STIM1: variants seen among roughly 807,000 people sequenced by gnomAD.
The protein encoded by STIM1 is stromal interaction molecule 1.
STIM1 carries 25 observed loss-of-function variants against 74.7 expected under a neutral mutation model. The observed-to-expected ratio is 0.33, with a 90% CI of 0.24 to 0.47. STIM1 has a LOEUF of 0.47. Among genes scored for constraint, STIM1 ranks in the 20% least tolerant of loss-of-function variants. The pLI is 1.00. For missense variants in STIM1, 728 were observed against 920.8 expected, an observed-to-expected ratio of 0.79 and a Z score of 2.71; for synonymous variants, 328 against 348.8, an observed-to-expected ratio of 0.94 and a Z score of 0.66.
intron 1 of STIM1, among the ~76,000 whole-genome samples, chr11:3,953,499 C>T (rs556611999): frequency 6.6e-6 from 1 of 152,190 alleles, no homozygotes; most frequent in Non-Finnish European, 1.5e-5. Context: ...TGATCCAGAT[C>T]ACCCAACTAT....
intron 6 of STIM1, among the ~76,000 whole-genome samples, chr11:4,072,559 T>G (rs756909583): frequency 2.6e-5 from 4 of 152,176 alleles, no homozygotes; most frequent in Non-Finnish European, 4.4e-5. Flanking sequence ...AATTGTATAC[T>G]TATTTGCTCA....
Position 4,023,908 on chromosome 11 carries a change from A to G in STIM1, c.306A>G (p.Thr102=), listed in dbSNP as rs140167452. ...AAGACCTCAATTACCATGACCCAAC[A>G]GTGAAACACAGCACCTTCCATGGTG... ...LREDLNYHDP[T]VKHSTFHGED... is the part of the protein sequence containing the mutation. Residue 102 remains threonine, a synonymous_variant, in exon 3 of 13, where the codon ACA becomes ACG. Coordinates refer to ENST00000526596, the MANE Select transcript of STIM1 (RefSeq NM_001382567.1). 1.2e-5 allele frequency: 20 copies of G among 1,613,968 alleles called. No homozygotes were observed. Among genetic ancestry groups the G allele is most frequent in the African/African-American group, 2.7e-5 (2 of 74,920 alleles).
At chr11:4,024,033 A>G (rs1485029406) in intron 3 of STIM1, 46 bp downstream of exon 3, 2 of 1,533,866 alleles carry the variant, frequency 1.3e-6, no homozygotes, top group Admixed American at 3.4e-5. Context: ...GAAGGTTTAG[A>G]GAAGAGAGAA....
intron 1 of STIM1, among the ~76,000 whole-genome samples, chr11:3,938,171 C>T (rs1175883886): frequency 6.6e-6 from 1 of 152,120 alleles, no homozygotes; most frequent in Non-Finnish European, 1.5e-5. Flanking sequence ...CTACTGACCT[C>T]AAGTGATCCA....
chr11:3,901,942 A>T (rs1287050317), intron 1 of STIM1, among the ~76,000 whole-genome samples: 1 of 151,944 alleles, frequency 6.6e-6, no homozygotes, highest in Non-Finnish European at 1.5e-5. Flanking sequence ...TAATTTTTGT[A>T]TTTTTTGTAG....
At chr11:3,997,325 G>A (rs1348782035) in intron 2 of STIM1, among the ~76,000 whole-genome samples, 1 of 152,160 alleles carries the variant, frequency 6.6e-6, no homozygotes, top group African/African-American at 2.4e-5. Context: ...CCTAGTGGTG[G>A]AGATAGCCAT....
At chr11:3,878,039 G>C (rs1475131942) in intron 1 of STIM1, among the ~76,000 whole-genome samples, 1 of 152,198 alleles carries the variant, frequency 6.6e-6, no homozygotes, top group Non-Finnish European at 1.5e-5. Flanking sequence ...CTGGATAGGA[G>C]TGGTCAAGCG....
At chr11:3,924,482 G>T (rs2092763478) in intron 1 of STIM1, among the ~76,000 whole-genome samples, 2 of 152,178 alleles carry the variant, frequency 1.3e-5, no homozygotes, top group South Asian at 4.1e-4. Context: ...ACAGGCGTGA[G>T]CCACTGTGCC....
At chr11:3,919,864 G>A (rs1439984695) in intron 1 of STIM1, among the ~76,000 whole-genome samples, 1 of 152,124 alleles carries the variant, frequency 6.6e-6, no homozygotes, top group African/African-American at 2.4e-5. Flanking sequence ...GATCCCTTTA[G>A]TCCAAGGGTT....
In STIM1 at chr11:4,084,676, C is replaced by T; in HGVS notation, c.1478C>T (p.Ala493Val). Reference protein sequence around the residue: ...EIVSPLSMQYAAWLMGRRFSD... With the variant: ...EIVSPLSMQYVAWLMGRRFSD... ...TTGGCCTGGCTGTTGACCCTAGATG[C>T]TGCCTGGCTGATGGGGCGTAGGTTC... The change falls in exon 11 of 13, where the codon GCT becomes GTT. Residue 493 changes from alanine to valine, a missense_variant. By Grantham distance (64) the Ala-to-Val change is moderately conservative. Around this residue, in one of 5 missense-constraint regions of STIM1, gnomAD observed 352 missense variants for 370.1 expected, o/e 0.95. Transcript: ENST00000526596. 1 of 1,289,444 alleles carries T rather than the reference C, an allele frequency of 7.8e-7. No individual in the cohort carries two copies. Among genetic ancestry groups the T allele is most frequent in the Non-Finnish European group, 1.0e-6 (1 of 988,882 alleles). 79.9% of individuals were successfully genotyped at this position (1,289,444 alleles called of 1,614,324 possible).
chr11:3,861,111 T>C (rs1287535271), intron 1 of STIM1, among the ~76,000 whole-genome samples: 1 of 152,162 alleles, frequency 6.6e-6, no homozygotes, highest in Non-Finnish European at 1.5e-5. Flanking sequence ...ATTGTAAATA[T>C]CTGGTTTCAC....
intron 1 of STIM1, among the ~76,000 whole-genome samples, chr11:3,859,340 C>G (rs1024277244): frequency 1.3e-5 from 2 of 152,218 alleles, no homozygotes; most frequent in Non-Finnish European, 2.9e-5. Context: ...CCTGTACACC[C>G]AGCCATGCTA....
At chr11:4,055,382 T>A in intron 3 of STIM1, 144 bp from the exon 4 acceptor site, 1 of 698,376 alleles carries the variant, frequency 1.4e-6, no homozygotes, top group Non-Finnish European at 2.6e-6. Flanking sequence ...AGACTCACAG[T>A]GTATACTCCT....
chr11:3,915,498 C>T (rs1052879250), intron 1 of STIM1, among the ~76,000 whole-genome samples: 4 of 151,422 alleles, frequency 2.6e-5, no homozygotes, highest in African/African-American at 7.3e-5. Flanking sequence ...CCCGGGTTCA[C>T]GCCATTCTCC....
intron 2 of STIM1, among the ~76,000 whole-genome samples, chr11:4,006,579 AT>A (rs2093783769): frequency 6.6e-6 from 1 of 151,874 alleles, no homozygotes; most frequent in African/African-American, 2.4e-5. Flanking sequence ...GATGGCAGCT[AT>A]TTTTTATATT....
At chr11:4,018,753 C>A (rs1214933015) in intron 2 of STIM1, among the ~76,000 whole-genome samples, 6 of 151,970 alleles carry the variant, frequency 3.9e-5, no homozygotes, top group East Asian at 1.9e-4. Context: ...TTCTCTCCAA[C>A]GATACTGGCC....
chr11:4,029,805 C>T (rs541062733), intron 3 of STIM1, among the ~76,000 whole-genome samples: 6 of 152,154 alleles, frequency 3.9e-5, no homozygotes, highest in Admixed American at 2.0e-4. Flanking sequence ...GTACAGGTCA[C>T]GTTTATTTCA....
chr11:4,027,836 G>A (rs1368829719), intron 3 of STIM1, among the ~76,000 whole-genome samples: 1 of 152,100 alleles, frequency 6.6e-6, no homozygotes, highest in African/African-American at 2.4e-5. Context: ...TAGAGGAGTG[G>A]CAGTTCTTTA....
chr11:4,023,725 TAAGG>T, intron 2 of STIM1, 144 bp from the exon 3 acceptor site: 1 of 675,180 alleles, frequency 1.5e-6, no homozygotes, highest in Non-Finnish European at 2.7e-6. Flanking sequence ...GACATGTGCA[TAAGG>T]AAGGATACAT....
Sources: gnomAD v4.1 joint callset for allele counts (sites outside exome capture counted in the v4.1 genomes callset) on GRCh38, gnomAD v4.1.1 for gene constraint, gnomAD v4.1.1 regional missense constraint, MANE v1.5 for transcripts, NCBI Gene and HGNC (gene_info 2026-07-23, HGNC 2026-07-21) for gene names.